The following GALK2 variants were observed in gnomAD, a reference collection of about 807,000 sequenced individuals.
GALK2 encodes the protein galactokinase 2.
GALK2 carries 36 observed loss-of-function variants against 52.4 expected under a neutral mutation model. The observed-to-expected ratio is 0.69, with a 90% CI of 0.53 to 0.91. The LOEUF is 0.91. Ranked by LOEUF, GALK2 falls within the 40% of genes least tolerant of loss-of-function variation. The pLI is 0.00. For missense variants in GALK2, 579 were observed against 559.1 expected (o/e 1.04, Z -0.36); for synonymous variants, 176 against 199.1 (o/e 0.88, Z 0.98).
intron 9 of GALK2, among the ~76,000 whole-genome samples, chr15:49,323,368 A>G (rs1279053075): frequency 6.6e-6 from 1 of 152,130 alleles, no homozygotes; most frequent in Non-Finnish European, 1.5e-5. Context: ...AGGTGTGACT[A>G]AGACTGGGCA....
At chr15:49,353,628 T>C (rs1031421093) in intron 3 of GALK2, 3 of 151,958 alleles carry the variant, frequency 2.0e-5, no homozygotes, top group East Asian at 1.9e-4. Context: ...TTTTTTTTTT[T>C]TGTAAAATCT....
chr15:49,336,433 A>T (rs972047528), downstream of GALK2, among the ~76,000 whole-genome samples: 1 of 152,214 alleles, frequency 6.6e-6, no homozygotes, highest in South Asian at 2.1e-4. Context: ...TGTTAAATGA[A>T]GACCTTAGCC....
At chr15:49,227,810 G>A (rs1254929352) in intron 3 of GALK2, among the ~76,000 whole-genome samples, 2 of 151,908 alleles carry the variant, frequency 1.3e-5, no homozygotes, top group Non-Finnish European at 2.9e-5. Flanking sequence ...TGCTCTACCA[G>A]TGGGCTTTAT....
intron 3 of GALK2, among the ~76,000 whole-genome samples, chr15:49,364,839 G>A (rs1204407861): frequency 6.6e-6 from 1 of 151,828 alleles, no homozygotes; most frequent in Non-Finnish European, 1.5e-5. Context: ...AAAGCATAGG[G>A]ATGGGTCAAG....
At chr15:49,158,717 A>G (rs1005022549) in intron 1 of GALK2, 44 of 152,240 alleles carry the variant, frequency 2.9e-4, no homozygotes, top group African/African-American at 1.0e-3. Flanking sequence ...AATAGGTAGC[A>G]TTTTCCACGT....
At chr15:49,356,090 G>A (rs2043116228) in intron 3 of GALK2, among the ~76,000 whole-genome samples, 1 of 151,998 alleles carries the variant, frequency 6.6e-6, no homozygotes, top group Non-Finnish European at 1.5e-5. Flanking sequence ...CCTGAAGGAA[G>A]CACTAAACAT....
chr15:49,356,206 C>A (rs994094140), intron 3 of GALK2, among the ~76,000 whole-genome samples: 1 of 151,746 alleles, frequency 6.6e-6, no homozygotes, highest in Non-Finnish European at 1.5e-5. Context: ...AACCAGCTAA[C>A]ATCATAATGA....
intron 3 of GALK2, among the ~76,000 whole-genome samples, chr15:49,227,550 AG>A (rs1226186721): frequency 2.0e-5 from 3 of 151,746 alleles, no homozygotes; most frequent in Admixed American, 2.0e-4. Flanking sequence ...TTATTTTTGT[AG>A]GGGGCTTATT....
At chr15:49,192,763 T>C (rs1270127150) in intron 1 of GALK2, among the ~76,000 whole-genome samples, 1 of 151,642 alleles carries the variant, frequency 6.6e-6, no homozygotes, top group African/African-American at 2.4e-5. Flanking sequence ...TTTTAATTTG[T>C]ATTTCTATCT....
intron 1 of GALK2, among the ~76,000 whole-genome samples, chr15:49,189,483 T>C (rs917795775): frequency 5.3e-5 from 8 of 152,160 alleles, no homozygotes; most frequent in African/African-American, 1.9e-4. Context: ...TGCTATTTGC[T>C]TTTTTCCTAT....
chr15:49,209,785 C>T (rs2088657952), intron 2 of GALK2, among the ~76,000 whole-genome samples: 1 of 152,034 alleles, frequency 6.6e-6, no homozygotes. Flanking sequence ...AGATATTGTC[C>T]TGTAGTTTTC....
chr15:49,359,126 A>G (rs1324294484), intron 3 of GALK2, among the ~76,000 whole-genome samples: 1 of 151,496 alleles, frequency 6.6e-6, no homozygotes, highest in Non-Finnish European at 1.5e-5. Context: ...ACCTAAAACC[A>G]TAAAAACCCT....
chr15:49,362,704 C>T (rs920114422), intron 3 of GALK2, among the ~76,000 whole-genome samples: 20 of 152,018 alleles, frequency 1.3e-4, no homozygotes, highest in African/African-American at 2.9e-4. Flanking sequence ...CCATTTCCTA[C>T]GTTCAGAATG....
intron 3 of GALK2, chr15:49,225,085 G>A (rs1407084494): frequency 1.1e-5 from 4 of 369,528 alleles, no homozygotes; most frequent in African/African-American, 4.3e-5. Flanking sequence ...CAGTGCATTT[G>A]CAGTAGTGGT....
Position 49,201,190 on chromosome 15 carries a change from T to TC in GALK2, c.84dup (p.Lys29GlnfsTer66). On this transcript the variant is annotated frameshift_variant, in exon 2 of 10. Transcript: ENST00000560031. LOFTEE classifies it high-confidence loss of function. ...ACTGAAGCTAAAGGAGATGTTTAACTCCAAGTTTGGATCTATTCCCAAGTT... is the reference window on the plus strand; with the variant it reads ...ACTGAAGCTAAAGGAGATGTTTAACTCCCAAGTTTGGATCTATTCCCAAGTT... 1 of 1,608,280 alleles carries TC rather than the reference T, an allele frequency of 6.2e-7. No individual in the cohort carries two copies. The highest frequency in any genetic ancestry group is 8.5e-7 in the Non-Finnish European group (1 of 1,175,230).
intron 3 of GALK2, among the ~76,000 whole-genome samples, chr15:49,347,484 T>C (rs146478820): frequency 1.3e-3 from 199 of 152,302 alleles, no homozygotes; most frequent in African/African-American, 4.3e-3. Context: ...TGCTATTAGA[T>C]TGCTTAGCAC....
chr15:49,208,647 T>C (rs985278303), intron 2 of GALK2, among the ~76,000 whole-genome samples: 1 of 152,220 alleles, frequency 6.6e-6, no homozygotes, highest in African/African-American at 2.4e-5. Flanking sequence ...GATGAAATGC[T>C]CTGTATATAT....
chr15:49,349,409 G>A (rs976555584), intron 3 of GALK2, among the ~76,000 whole-genome samples: 1 of 152,126 alleles, frequency 6.6e-6, no homozygotes, highest in Non-Finnish European at 1.5e-5. Flanking sequence ...AGCTTCAAGT[G>A]TAAGCCATCA....
chr15:49,347,816 C>A lies in GALK2; in HGVS notation c.427-19675C>A, dbSNP rs926589223. Among the ~76,000 whole-genome samples, 3 of 151,936 alleles carry A rather than the reference C, an allele frequency of 2.0e-5. No individual in the cohort carries two copies. In the South Asian group the frequency reaches 6.2e-4, roughly 32 times the overall value. Reference sequence around the variant, plus strand: ...GGTGGATCACCTGAGGTCAGGAGTTCAAGACCAGCCTGGCCAACATGGTGA... The same window carrying A: ...GGTGGATCACCTGAGGTCAGGAGTTAAAGACCAGCCTGGCCAACATGGTGA... On this transcript the variant is annotated intron_variant, in intron 3 of 3. Coordinates refer to the GALK2 transcript ENST00000558399.
Sources: gnomAD v4.1 joint callset for allele counts (sites outside exome capture counted in the v4.1 genomes callset) on GRCh38, gnomAD v4.1.1 for gene constraint, MANE v1.5 for transcripts, NCBI Gene and HGNC (gene_info 2026-07-23, HGNC 2026-07-21) for gene names.